FOXN3: variants seen among roughly 807,000 people sequenced by gnomAD.
FOXN3 encodes the protein forkhead box N3, also known as forkhead box protein N3.
A neutral mutation model predicts 38.4 loss-of-function variants in FOXN3; 7 were observed. The observed-to-expected ratio is 0.18, with a 90% CI of 0.10 to 0.34. FOXN3 has a LOEUF of 0.34. Ranked by LOEUF, FOXN3 falls within the 10% of genes least tolerant of loss-of-function variation. FOXN3 has a pLI of 1.00. For missense variants in FOXN3, 456 were observed against 613.4 expected (o/e 0.74, Z 2.71); for synonymous variants, 230 against 242.2 (o/e 0.95, Z 0.47).
chr14:89,446,177 CTTTT>C (rs1179196246), intron 1 of FOXN3, among the ~76,000 whole-genome samples: 2 of 57,026 alleles, frequency 3.5e-5, no homozygotes, highest in East Asian at 3.9e-4. Context: ...TCCTAAAAGT[CTTTT>C]TTTTTTTTTT....
intron 5 of FOXN3, among the ~76,000 whole-genome samples, chr14:89,165,952 G>A (rs1366844501): frequency 1.3e-5 from 2 of 152,190 alleles, no homozygotes; most frequent in East Asian, 1.9e-4. Context: ...TACAACTCAC[G>A]TCACTACCAC....
At chr14:89,471,792 C>T (rs8003350) in intron 1 of FOXN3, among the ~76,000 whole-genome samples, 1,720 of 152,250 alleles carry the variant, frequency 0.011, 36 homozygotes, top group African/African-American at 0.039. Context: ...ATGTGTGACA[C>T]GTGTCACTAC....
chr14:89,358,446 T>C (rs929137176), intron 2 of FOXN3, among the ~76,000 whole-genome samples: 1 of 152,148 alleles, frequency 6.6e-6, no homozygotes, highest in Non-Finnish European at 1.5e-5. Flanking sequence ...CATTGGGGGA[T>C]ACAGACACGG....
At chr14:89,281,846 G>A (rs1886472435) in intron 3 of FOXN3, among the ~76,000 whole-genome samples, 1 of 152,294 alleles carries the variant, frequency 6.6e-6, no homozygotes, top group South Asian at 2.1e-4. Context: ...TCCAGCCCAA[G>A]AGGCAGTATA....
At chr14:89,451,266 A>C (rs1275106452) in intron 1 of FOXN3, among the ~76,000 whole-genome samples, 1 of 152,170 alleles carries the variant, frequency 6.6e-6, no homozygotes, top group African/African-American at 2.4e-5. Context: ...CGGGCCCCCT[A>C]CCATCAATCC....
intron 4 of FOXN3, among the ~76,000 whole-genome samples, chr14:89,237,693 C>A (rs556245689): frequency 1.3e-5 from 2 of 152,232 alleles, no homozygotes; most frequent in Admixed American, 1.3e-4. Flanking sequence ...AAACTGACCA[C>A]CCCTCCCCCT....
chr14:89,406,981 T>G (rs1295179051), intron 2 of FOXN3, among the ~76,000 whole-genome samples: 1 of 136,752 alleles, frequency 7.3e-6, no homozygotes, highest in African/African-American at 2.8e-5. Flanking sequence ...TAGGCACAGA[T>G]CATCCATAGA....
intron 4 of FOXN3, among the ~76,000 whole-genome samples, chr14:89,271,677 T>C (rs1027737291): frequency 1.3e-5 from 2 of 152,200 alleles, no homozygotes; most frequent in East Asian, 1.9e-4. Context: ...TATCTAGTTT[T>C]TAAAAATCAT....
At chr14:89,596,252 C>A (rs1376638036) in intron 1 of FOXN3, among the ~76,000 whole-genome samples, 3 of 152,162 alleles carry the variant, frequency 2.0e-5, no homozygotes, top group African/African-American at 7.2e-5. Flanking sequence ...ATTCTCCTGC[C>A]TCAGCCTCCC....
chr14:89,313,411 A>G (rs1025896951), intron 3 of FOXN3, among the ~76,000 whole-genome samples: 5 of 152,200 alleles, frequency 3.3e-5, no homozygotes, highest in African/African-American at 1.2e-4. Flanking sequence ...TACGAAAATT[A>G]GCTGGGCGTG....
intron 4 of FOXN3, among the ~76,000 whole-genome samples, chr14:89,238,002 T>C (rs1885029861): frequency 1.3e-5 from 2 of 152,240 alleles, no homozygotes; most frequent in Admixed American, 1.3e-4. Flanking sequence ...GTAATGTTGC[T>C]CCAGCCTTTT....
chr14:89,503,429 G>T (rs2139792464), intron 1 of FOXN3, among the ~76,000 whole-genome samples: 1 of 152,132 alleles, frequency 6.6e-6, no homozygotes, highest in Admixed American at 6.5e-5. Context: ...GTATACAGTT[G>T]GCATTTTCAA....
At chr14:89,215,002 AC>A (rs1317498136) in intron 4 of FOXN3, among the ~76,000 whole-genome samples, 5 of 152,260 alleles carry the variant, frequency 3.3e-5, no homozygotes, top group Non-Finnish European at 7.3e-5. Context: ...GGGAGAAGGT[AC>A]ATTAGGCGAG....
At position 89,525,025 on chromosome 14, in the gene FOXN3, C is replaced by T. The variant is rs114254568; in HGVS notation, c.-15+94003G>A. Among the ~76,000 whole-genome samples the T allele has an allele frequency of 9.5e-3, 1,450 of 152,198 alleles. 21 individuals are homozygous for T. Among genetic ancestry groups the T allele is most frequent in the African/African-American group, 0.033 (1,375 of 41,512 alleles). On this transcript the variant is annotated intron_variant, in intron 1 of 6. Transcript: ENST00000345097. ...AGTTACAGAAGATGCATCTTTGTTC[C>T]TCTACAACCCTTAGGATTAAGGGTT...
At chr14:89,455,846 T>TA (rs1346604059) in intron 1 of FOXN3, among the ~76,000 whole-genome samples, 2 of 152,142 alleles carry the variant, frequency 1.3e-5, no homozygotes, top group African/African-American at 4.8e-5. Context: ...TAAATACTGA[T>TA]AAATAATTAA....
At chr14:89,482,853 T>A (rs1893365719) in intron 1 of FOXN3, among the ~76,000 whole-genome samples, 1 of 147,118 alleles carries the variant, frequency 6.8e-6, no homozygotes, top group South Asian at 2.1e-4. Context: ...AAGGCTACAG[T>A]GAGCCATGAT....
At chr14:89,348,351 T>C (rs202102927) in intron 3 of FOXN3, among the ~76,000 whole-genome samples, 1 of 152,146 alleles carries the variant, frequency 6.6e-6, no homozygotes, top group Non-Finnish European at 1.5e-5. Flanking sequence ...CTCTAGGTCA[T>C]GTCAACAAGT....
At chr14:89,363,758 T>C (rs76026781) in intron 2 of FOXN3, among the ~76,000 whole-genome samples, 3 of 151,834 alleles carry the variant, frequency 2.0e-5, no homozygotes, top group African/African-American at 7.3e-5. Context: ...TTATTCACCA[T>C]GAACTTACAG....
At chr14:89,357,544 G>A (rs1889280782) in intron 2 of FOXN3, among the ~76,000 whole-genome samples, 1 of 151,966 alleles carries the variant, frequency 6.6e-6, no homozygotes, top group Admixed American at 6.6e-5. Context: ...GGAGGCGAAG[G>A]TTGCGGTGAG....
Sources: allele counts gnomAD v4.1 joint callset (sites outside exome capture counted in the v4.1 genomes callset), GRCh38; gene constraint gnomAD v4.1.1; transcripts MANE v1.5; gene names NCBI Gene and HGNC (gene_info 2026-07-23, HGNC 2026-07-21).